The following CNTNAP2 variants were observed in gnomAD, a reference collection of about 807,000 sequenced individuals.
CNTNAP2 encodes the protein contactin-associated protein-like 2.
In CNTNAP2, 98 loss-of-function variants were observed where a neutral mutation model predicts 155.2. The observed-to-expected ratio is 0.63, with a 90% CI of 0.54 to 0.75. The LOEUF (loss-of-function observed/expected upper bound fraction) is 0.75, where lower values mean the gene tolerates loss of function less well. Among genes scored for constraint, CNTNAP2 ranks in the 30% least tolerant of loss-of-function variants. The probability of loss-of-function intolerance (pLI) is 0.00; values close to 1 mark genes in which losing one functional copy is unlikely to be tolerated. For missense variants in CNTNAP2, 1,727 were observed against 1,688.1 expected (o/e 1.02, Z -0.40); for synonymous variants, 651 against 631.2 (o/e 1.03, Z -0.47).
At chr7:146,587,189 C>T (rs1798705594) in intron 1 of CNTNAP2, among the ~76,000 whole-genome samples, 1 of 152,154 alleles carries the variant, frequency 6.6e-6, no homozygotes, top group African/African-American at 2.4e-5. Flanking sequence ...TATTGCCAGG[C>T]CGTTCCTTTC....
chr7:146,606,860 C>T (rs1799056483), intron 1 of CNTNAP2, among the ~76,000 whole-genome samples: 1 of 152,112 alleles, frequency 6.6e-6, no homozygotes, highest in Non-Finnish European at 1.5e-5. Flanking sequence ...TCCCTGATGT[C>T]AAGGAGCTGT....
At chr7:147,957,711 C>A (rs1480052480) in intron 14 of CNTNAP2, among the ~76,000 whole-genome samples, 6 of 151,988 alleles carry the variant, frequency 3.9e-5, no homozygotes, top group African/African-American at 1.5e-4. Context: ...GTCTAAAATG[C>A]CATGAACATT....
At chr7:147,840,125 T>G (rs1798705190) in intron 13 of CNTNAP2, among the ~76,000 whole-genome samples, 1 of 151,874 alleles carries the variant, frequency 6.6e-6, no homozygotes. Flanking sequence ...TGTGCACATA[T>G]GGTCATAGAG....
At chr7:146,150,338 G>A (rs62504797) in intron 1 of CNTNAP2, among the ~76,000 whole-genome samples, 25,031 of 151,930 alleles carry the variant, frequency 0.16, 2,558 homozygotes, top group East Asian at 0.28. Flanking sequence ...AGAATCTCTT[G>A]GGTAATAACT....
chr7:147,639,561 G>A lies in CNTNAP2; in HGVS notation c.2098+255G>A, dbSNP rs1795241020. Reference sequence around the variant, plus strand: ...TTGTATGTGCATATATGTTTCTAGTGCTTAACTGTCAGTAGTGGCTGTGGG... The same window carrying A: ...TTGTATGTGCATATATGTTTCTAGTACTTAACTGTCAGTAGTGGCTGTGGG... On this transcript the variant is annotated intron_variant, in intron 13 of 23. Transcript: ENST00000361727. Among the ~76,000 whole-genome samples the A allele has an allele frequency of 2.0e-5, 3 of 152,182 alleles. No individual in the cohort carries two copies. In the South Asian group the frequency reaches 6.2e-4, roughly 31 times the overall value.
intron 1 of CNTNAP2, among the ~76,000 whole-genome samples, chr7:146,400,799 A>G (rs2129108289): frequency 6.6e-6 from 1 of 152,356 alleles, no homozygotes; most frequent in Non-Finnish European, 1.5e-5. Flanking sequence ...AAGGAGTTGC[A>G]GAGGCTGACA....
intron 4 of CNTNAP2, among the ~76,000 whole-genome samples, chr7:147,107,702 A>G (rs1800794399): frequency 6.6e-6 from 1 of 152,188 alleles, no homozygotes; most frequent in Non-Finnish European, 1.5e-5. Context: ...TTACATTCCA[A>G]GTGCCTTCAT....
intron 1 of CNTNAP2, among the ~76,000 whole-genome samples, chr7:146,574,428 T>G (rs1191750040): frequency 6.6e-6 from 1 of 151,986 alleles, no homozygotes; most frequent in Non-Finnish European, 1.5e-5. Flanking sequence ...TTAGGCCAGG[T>G]GTGGTGGCTC....
chr7:147,215,972 C>A (rs531379486), intron 8 of CNTNAP2, among the ~76,000 whole-genome samples: 6 of 151,996 alleles, frequency 3.9e-5, no homozygotes, highest in Non-Finnish European at 7.4e-5. Context: ...TGCTTATTTG[C>A]CATCTGTAAA....
chr7:148,028,721 A>G (rs1802415617), intron 15 of CNTNAP2, among the ~76,000 whole-genome samples: 2 of 152,196 alleles, frequency 1.3e-5, no homozygotes, highest in African/African-American at 4.8e-5. Context: ...CCTTCACTTC[A>G]CAACCCAGGT....
At chr7:146,700,694 T>G (rs1384750744) in intron 1 of CNTNAP2, among the ~76,000 whole-genome samples, 1 of 152,148 alleles carries the variant, frequency 6.6e-6, no homozygotes, top group Non-Finnish European at 1.5e-5. Flanking sequence ...GCCAGTATGT[T>G]TCTAGAGAAG....
chr7:148,187,998 C>T (rs1585176251), intron 18 of CNTNAP2, among the ~76,000 whole-genome samples: 1 of 152,080 alleles, frequency 6.6e-6, no homozygotes, highest in African/African-American at 2.4e-5. Flanking sequence ...TGCGTGCACA[C>T]ACATGCACAC....
intron 1 of CNTNAP2, among the ~76,000 whole-genome samples, chr7:146,236,769 G>A (rs1159282609): frequency 6.6e-6 from 1 of 151,266 alleles, no homozygotes; most frequent in Non-Finnish European, 1.5e-5. Flanking sequence ...CCATACTAAT[G>A]ACCCCCAAGA....
At chr7:146,555,632 A>C (rs1798187793) in intron 1 of CNTNAP2, among the ~76,000 whole-genome samples, 1 of 152,142 alleles carries the variant, frequency 6.6e-6, no homozygotes, top group Non-Finnish European at 1.5e-5. Flanking sequence ...TATATATGTA[A>C]ACATTTAGAG....
At chr7:146,774,429 CAT>C in intron 2 of CNTNAP2, 48 bp downstream of exon 2, 1 of 1,301,228 alleles carries the variant, frequency 7.7e-7, no homozygotes, top group Non-Finnish European at 1.1e-6. Flanking sequence ...TAAATAAGAA[CAT>C]GTTATATTTA....
chr7:147,394,980 A>C (rs1163183787), intron 9 of CNTNAP2, among the ~76,000 whole-genome samples: 4 of 151,754 alleles, frequency 2.6e-5, no homozygotes, highest in Non-Finnish European at 5.9e-5. Flanking sequence ...AGTTTGTAGA[A>C]GATGTATATT....
At chr7:146,218,858 T>C (rs902138991) in intron 1 of CNTNAP2, among the ~76,000 whole-genome samples, 1 of 152,156 alleles carries the variant, frequency 6.6e-6, no homozygotes, top group African/African-American at 2.4e-5. Context: ...GAAAGAGCCC[T>C]GATGGAACTG....
At chr7:147,829,085 G>A (rs550431842) in intron 13 of CNTNAP2, among the ~76,000 whole-genome samples, 3 of 152,240 alleles carry the variant, frequency 2.0e-5, no homozygotes, top group African/African-American at 7.2e-5. Context: ...AGCCTTTAGT[G>A]TGTCCCAGTG....
chr7:147,371,296 G>A (rs1236305548), intron 9 of CNTNAP2, among the ~76,000 whole-genome samples: 3 of 152,068 alleles, frequency 2.0e-5, no homozygotes, highest in Non-Finnish European at 2.9e-5. Flanking sequence ...ATACATTTAT[G>A]AGAATGATTT....
Sources: gnomAD v4.1 joint callset for allele counts (sites outside exome capture counted in the v4.1 genomes callset) on GRCh38, gnomAD v4.1.1 for gene constraint, MANE v1.5 for transcripts, NCBI Gene and HGNC (gene_info 2026-07-23, HGNC 2026-07-21) for gene names.